The following ZGRF1 variants were observed in gnomAD, a reference collection of about 807,000 sequenced individuals.
ZGRF1 encodes the protein 5'-3' DNA helicase ZGRF1.
Under a neutral mutation model 203.5 loss-of-function variants are expected in ZGRF1, and 196 were observed. The ratio of observed to expected loss-of-function variants is 0.96; its 90% CI spans 0.86 to 1.08. ZGRF1 has a LOEUF of 1.08. Among genes scored for constraint, ZGRF1 ranks in the 50% least tolerant of loss-of-function variants. The probability of loss-of-function intolerance (pLI) is 0.00; values close to 1 mark genes in which losing one functional copy is unlikely to be tolerated. For missense variants in ZGRF1, 2,326 were observed against 2,416.3 expected (o/e 0.96, Z 0.78); for synonymous variants, 809 against 841.3 (o/e 0.96, Z 0.66).
intron 16 of ZGRF1, among the ~76,000 whole-genome samples, chr4:112,565,549 G>C (rs1207602693): frequency 2.0e-5 from 3 of 151,874 alleles, no homozygotes; most frequent in Admixed American, 2.0e-4. Context: ...TACCATCAGA[G>C]TGAACAGGCA....
chr4:112,565,481 C>T (rs552601733), intron 16 of ZGRF1: 7 of 661,328 alleles, frequency 1.1e-5, no homozygotes, highest in Admixed American at 5.7e-5. Context: ...TAGTTCTGAA[C>T]GTTAGGTATT....
At chr4:112,576,880 C>CCAAT (rs1745333667) in intron 16 of ZGRF1, among the ~76,000 whole-genome samples, 1 of 151,872 alleles carries the variant, frequency 6.6e-6, no homozygotes, top group Non-Finnish European at 1.5e-5. Context: ...GAAAACTTCC[C>CCAAT]CAATCTAGCA....
At chr4:112,583,153 T>A (rs944169895) in intron 15 of ZGRF1, among the ~76,000 whole-genome samples, 2 of 152,220 alleles carry the variant, frequency 1.3e-5, no homozygotes, top group Non-Finnish European at 2.9e-5. Flanking sequence ...TCATGCGAAG[T>A]GCCTAGTTAG....
Position 112,633,240 on chromosome 4 carries a change from C to T in ZGRF1, c.-64G>A, listed in dbSNP as rs922653168. ...ATAGGAAATATTCAACTATTTATAC[C>T]ACCTAAAATTAAAAATGACATAAAA... On this transcript the variant is annotated splice_region_variant and 5_prime_UTR_variant, in exon 2 of 28. Transcript: ENST00000505019. The T allele has an allele frequency of 8.0e-7, 1 of 1,253,054 alleles. No homozygotes were observed. The highest frequency in any genetic ancestry group is 1.3e-5 in the South Asian group (1 of 75,994). 77.6% of individuals were successfully genotyped at this position (1,253,054 alleles called of 1,614,324 possible).
chr4:112,577,483 C>A lies in ZGRF1; in HGVS notation c.4438+4180G>T, dbSNP rs1214234180. Among the ~76,000 whole-genome samples, 4 of 122,592 alleles carry A rather than the reference C, an allele frequency of 3.3e-5. 2 individuals are homozygous for A. Among genetic ancestry groups the A allele is most frequent in the Non-Finnish European group, 7.3e-5 (4 of 54,972 alleles). The allele number at this position is 122,592 out of a possible 152,430, so 80.4% of individuals were successfully genotyped here. ...GCTCCAATTAAAAGACACAGACTGG[C>A]AAATTGGATAAAGACTCAAGATCCA... On this transcript the variant is annotated intron_variant, in intron 16 of 27. Transcript: ENST00000505019.
chr4:112,594,135 A>ATTTG (rs772574450), intron 10 of ZGRF1, among the ~76,000 whole-genome samples: 3 of 152,038 alleles, frequency 2.0e-5, no homozygotes, highest in Non-Finnish European at 2.9e-5. Flanking sequence ...ATCTCAATTT[A>ATTTG]TTTGTTTGTT....
chr4:112,610,332 A>C (rs1751396627), intron 7 of ZGRF1, among the ~76,000 whole-genome samples: 1 of 152,126 alleles, frequency 6.6e-6, no homozygotes, highest in South Asian at 2.1e-4. Context: ...GCACTTTGGG[A>C]GGCCGAGGTG....
intron 8 of ZGRF1, among the ~76,000 whole-genome samples, chr4:112,608,125 C>T (rs1751038502): frequency 6.6e-6 from 1 of 152,036 alleles, no homozygotes; most frequent in Non-Finnish European, 1.5e-5. Context: ...TTATGTGGTC[C>T]AGGCTGGACT....
At chr4:112,565,195 C>T in intron 16 of ZGRF1, 18 of 1,556,462 alleles carry the variant, frequency 1.2e-5, no homozygotes, top group Admixed American at 1.7e-5. Context: ...TCCCTTCCAG[C>T]GTCTGGTGCG....
At chr4:112,608,586 C>T (rs1751114127) in intron 8 of ZGRF1, among the ~76,000 whole-genome samples, 1 of 152,120 alleles carries the variant, frequency 6.6e-6, no homozygotes, top group Admixed American at 6.6e-5. Context: ...CACCATTGCA[C>T]TCCAGCCTGG....
At position 112,560,984 on chromosome 4, in the gene ZGRF1, G is replaced by A. The variant is rs746307481; in HGVS notation, c.4709C>T (p.Thr1570Ile). Residue 1570 changes from threonine (T) to isoleucine (I), a missense_variant, in exon 19 of 28, where the codon ACT becomes ATT. Transcript: ENST00000505019. ...ACTGACTCTTTTGTTACTAACTATAGTTGGCGAAGACCTAATAAAAATGAA... is the reference window on the plus strand; with the variant it reads ...ACTGACTCTTTTGTTACTAACTATAATTGGCGAAGACCTAATAAAAATGAA... ...TQYLLTTSSP[T>I]IVSNKRVSKR... The A allele has an allele frequency of 1.2e-6, 2 of 1,607,786 alleles. No individual in the cohort carries two copies. Among genetic ancestry groups the A allele is most frequent in the Non-Finnish European group, 8.5e-7 (1 of 1,175,446 alleles).
intron 4 of ZGRF1, 57 bp from the exon 5 acceptor site, chr4:112,620,247 C>A: frequency 7.1e-7 from 1 of 1,412,902 alleles, no homozygotes; most frequent in Non-Finnish European, 9.7e-7. Flanking sequence ...TCTATGTATT[C>A]CAGGATGCTC....
chr4:112,555,403 A>C (rs761237902), intron 20 of ZGRF1, among the ~76,000 whole-genome samples: 15 of 152,226 alleles, frequency 9.9e-5, no homozygotes, highest in Admixed American at 7.9e-4. Flanking sequence ...CAACCCTCTA[A>C]AACTTCTACC....
chr4:112,617,337 C>A (rs1052896152), intron 6 of ZGRF1, 103 bp downstream of exon 6: 1 of 797,598 alleles, frequency 1.3e-6, no homozygotes, highest in Admixed American at 3.1e-5. Flanking sequence ...CCTATTTAAA[C>A]ACTATGTAAT....
At chr4:112,586,679 A>T in intron 12 of ZGRF1, 96 bp from the exon 13 acceptor site, 6 of 977,522 alleles carry the variant, frequency 6.1e-6, no homozygotes, top group Non-Finnish European at 4.2e-6. Flanking sequence ...TAAAAATATT[A>T]ATTTTTCTTT....
intron 2 of ZGRF1, 75 bp from the exon 3 acceptor site, chr4:112,632,085 T>A (rs1461981527): frequency 3.2e-6 from 2 of 619,972 alleles, no homozygotes; most frequent in Non-Finnish European, 4.9e-6. Context: ...ATATCCTTCC[T>A]ACATACAAAA....
At chr4:112,554,017 C>A (rs1413877895) in intron 21 of ZGRF1, 35 bp from the exon 22 acceptor site, 3 of 1,556,872 alleles carry the variant, frequency 1.9e-6, no homozygotes, top group South Asian at 1.2e-5. Flanking sequence ...CTCTTTATTC[C>A]ATTTTTCATA....
chr4:112,597,515 C>A (rs563456550), intron 10 of ZGRF1, among the ~76,000 whole-genome samples: 272 of 151,842 alleles, frequency 1.8e-3, no homozygotes, highest in African/African-American at 6.4e-3. Flanking sequence ...GAGAGTGAGA[C>A]CTTGTCTCTA....
rs192126508 is a variant in ZGRF1, at chr4:112,557,632, G to C, written c.5120+518C>G. On this transcript the variant is annotated intron_variant, in intron 20 of 27. Transcript: ENST00000505019. ...TGAGGAGACAAAGAGCATCCAGGTA[G>C]ATGCCTGCACATGCCGTGGGTTGAG... is the stretch of plus-strand genomic sequence containing the variant. Among the ~76,000 whole-genome samples the C allele has an allele frequency of 6.7e-4, 102 of 152,332 alleles. 1 individual carries two copies. Among genetic ancestry groups the C allele is most frequent in the African/African-American group, 2.4e-3 (98 of 41,582 alleles).
Sources: allele counts gnomAD v4.1 joint callset (sites outside exome capture counted in the v4.1 genomes callset), GRCh38; gene constraint gnomAD v4.1.1; transcripts MANE v1.5; gene names NCBI Gene and HGNC (gene_info 2026-07-23, HGNC 2026-07-21).